The following LRRTM3 variants were observed in gnomAD, a reference collection of about 807,000 sequenced individuals.
LRRTM3 encodes leucine rich repeat transmembrane neuronal 3.
Under a neutral mutation model 44.7 loss-of-function variants are expected in LRRTM3, and 24 were observed. The ratio of observed to expected loss-of-function variants is 0.54; its 90% CI spans 0.39 to 0.76. The LOEUF (loss-of-function observed/expected upper bound fraction) is 0.76. Ranked by LOEUF, LRRTM3 falls within the 30% of genes least tolerant of loss-of-function variation. The pLI, the probability that LRRTM3 is intolerant of heterozygous loss-of-function variation, is 0.00. For synonymous variants in LRRTM3, 277 were observed against 278.7 expected (o/e 0.99, Z 0.06); for missense variants, 587 against 702.2 (o/e 0.84, Z 1.85).
At chr10:67,040,809 C>G (rs1413304551) in intron 2 of LRRTM3, among the ~76,000 whole-genome samples, 2 of 152,060 alleles carry the variant, frequency 1.3e-5, no homozygotes, top group African/African-American at 2.4e-5. Context: ...AATTATACCA[C>G]ATGATGTTAA....
chr10:67,051,003 A>G (rs1220936504), intron 2 of LRRTM3, among the ~76,000 whole-genome samples: 1 of 152,216 alleles, frequency 6.6e-6, no homozygotes, highest in African/African-American at 2.4e-5. Context: ...GAACTCTTGG[A>G]ACAGTTACAA....
At chr10:67,063,909 A>C (rs1051129796) in intron 2 of LRRTM3, among the ~76,000 whole-genome samples, 6 of 152,178 alleles carry the variant, frequency 3.9e-5, no homozygotes, top group Non-Finnish European at 5.9e-5. Context: ...AACTGATTTG[A>C]TATGTTTATG....
chr10:67,074,713 A>G (rs186758623), intron 2 of LRRTM3, among the ~76,000 whole-genome samples: 5 of 152,338 alleles, frequency 3.3e-5, no homozygotes, highest in Non-Finnish European at 5.9e-5. Flanking sequence ...AGACATTTCT[A>G]TTATTCAAAG....
intron 2 of LRRTM3, among the ~76,000 whole-genome samples, chr10:66,949,486 A>T (rs970958384): frequency 6.6e-6 from 1 of 151,992 alleles, no homozygotes; most frequent in African/African-American, 2.4e-5. Flanking sequence ...TGAACCCAGG[A>T]GGCGGAGGTT....
At chr10:67,009,586 G>A (rs1852199631) in intron 2 of LRRTM3, among the ~76,000 whole-genome samples, 3 of 151,716 alleles carry the variant, frequency 2.0e-5, no homozygotes. Context: ...GAGCGAATGG[G>A]TAATTTTTAT....
chr10:67,005,198 A>G (rs1472886375), intron 2 of LRRTM3, among the ~76,000 whole-genome samples: 5 of 152,172 alleles, frequency 3.3e-5, no homozygotes, highest in African/African-American at 1.2e-4. Context: ...TTTAAAGAAA[A>G]TGATTTCCAA....
chr10:67,025,812 T>C (rs972626643), intron 2 of LRRTM3, among the ~76,000 whole-genome samples: 3 of 151,864 alleles, frequency 2.0e-5, no homozygotes, highest in Non-Finnish European at 4.4e-5. Context: ...TGCACACGTA[T>C]GATTATTGCG....
At chr10:67,063,312 G>A (rs1855871101) in intron 2 of LRRTM3, among the ~76,000 whole-genome samples, 1 of 152,074 alleles carries the variant, frequency 6.6e-6, no homozygotes. Flanking sequence ...AAATGATTTT[G>A]GGGAACAACA....
At chr10:67,076,856 A>C (rs1856774442) in intron 2 of LRRTM3, among the ~76,000 whole-genome samples, 1 of 152,280 alleles carries the variant, frequency 6.6e-6, no homozygotes, top group South Asian at 2.1e-4. Context: ...TTTCATACTA[A>C]TTCCTCTGGC....
chr10:66,957,974 G>C (rs1848910257), intron 2 of LRRTM3, among the ~76,000 whole-genome samples: 1 of 151,966 alleles, frequency 6.6e-6, no homozygotes, highest in African/African-American at 2.4e-5. Context: ...ATTTCATAAA[G>C]GTGAGCCTCT....
At chr10:67,003,716 C>T (rs1162022702) in intron 2 of LRRTM3, among the ~76,000 whole-genome samples, 1 of 152,174 alleles carries the variant, frequency 6.6e-6, no homozygotes, top group Non-Finnish European at 1.5e-5. Flanking sequence ...CAGAATTTGA[C>T]TGCCCAGGTC....
intron 2 of LRRTM3, among the ~76,000 whole-genome samples, chr10:66,977,199 G>A (rs1184783975): frequency 1.3e-5 from 2 of 152,134 alleles, no homozygotes; most frequent in Non-Finnish European, 2.9e-5. Flanking sequence ...AGCACTTTGG[G>A]AGGCCGAGGC....
chr10:67,045,047 G>A (rs1183248336), intron 2 of LRRTM3, among the ~76,000 whole-genome samples: 1 of 152,084 alleles, frequency 6.6e-6, no homozygotes, highest in East Asian at 1.9e-4. Flanking sequence ...CATAGCTTTT[G>A]AACAAGTTTA....
chr10:67,046,912 TAAAG>T (rs989086426), intron 2 of LRRTM3, among the ~76,000 whole-genome samples: 1 of 152,164 alleles, frequency 6.6e-6, no homozygotes, highest in Admixed American at 6.5e-5. Context: ...ATTGATGACT[TAAAG>T]AAGAAGAGGT....
chr10:66,966,222 C>T (rs976764373), intron 2 of LRRTM3, among the ~76,000 whole-genome samples: 1 of 151,892 alleles, frequency 6.6e-6, no homozygotes, highest in Non-Finnish European at 1.5e-5. Context: ...AACAATTTTC[C>T]CTATTTTTGG....
chr10:66,982,561 G>T (rs1850500727), intron 2 of LRRTM3, among the ~76,000 whole-genome samples: 1 of 152,002 alleles, frequency 6.6e-6, no homozygotes, highest in Non-Finnish European at 1.5e-5. Flanking sequence ...GCAGGAAGAG[G>T]TATAAAATAT....
intron 2 of LRRTM3, among the ~76,000 whole-genome samples, chr10:67,068,917 G>A (rs554058233): frequency 6.6e-6 from 1 of 152,064 alleles, no homozygotes; most frequent in Admixed American, 6.6e-5. Flanking sequence ...GAAATTAGCT[G>A]GGCCTGGTGG....
At chr10:67,061,684 G>C (rs1239475323) in intron 2 of LRRTM3, among the ~76,000 whole-genome samples, 1 of 152,202 alleles carries the variant, frequency 6.6e-6, no homozygotes, top group African/African-American at 2.4e-5. Context: ...ACATAAAAGG[G>C]ATGATGAAAG....
chr10:66,951,818 T>C (rs1848552993), intron 2 of LRRTM3, among the ~76,000 whole-genome samples: 1 of 152,180 alleles, frequency 6.6e-6, no homozygotes, highest in Non-Finnish European at 1.5e-5. Context: ...AGGTAGGGGA[T>C]GCATACAGAG....
Sources: gnomAD v4.1 joint callset for allele counts (sites outside exome capture counted in the v4.1 genomes callset) on GRCh38, gnomAD v4.1.1 for gene constraint, MANE v1.5 for transcripts, NCBI Gene and HGNC (gene_info 2026-07-23, HGNC 2026-07-21) for gene names.